The following COL23A1 variants were observed in gnomAD, a reference collection of about 807,000 sequenced individuals.
COL23A1 encodes collagen alpha-1(XXIII) chain.
A neutral mutation model predicts 99.3 loss-of-function variants in COL23A1; 97 were observed. The ratio of observed to expected loss-of-function variants is 0.98; its 90% confidence interval spans 0.83 to 1.16. COL23A1 has a LOEUF of 1.16. COL23A1 is among the 50% of genes most tolerant of loss of function. The pLI, the probability that COL23A1 is intolerant of heterozygous loss-of-function variation, is 0.00. For missense variants in COL23A1, 762 were observed against 757.4 expected, an observed-to-expected ratio of 1.01 and a Z score of -0.07; for synonymous variants, 320 against 308.2, an observed-to-expected ratio of 1.04 and a Z score of -0.40.
At chr5:178,554,739 T>G (rs958898507) in intron 2 of COL23A1, among the ~76,000 whole-genome samples, 1 of 152,162 alleles carries the variant, frequency 6.6e-6, no homozygotes, top group African/African-American at 2.4e-5. Context: ...ACCAATGACC[T>G]GGCCCATCAA....
chr5:178,502,898 TGCAC>T (rs747656779), intron 2 of COL23A1, among the ~76,000 whole-genome samples: 1 of 152,146 alleles, frequency 6.6e-6, no homozygotes, highest in Non-Finnish European at 1.5e-5. Flanking sequence ...CAGCACACGC[TGCAC>T]GCAGTGTGAC....
intron 2 of COL23A1, among the ~76,000 whole-genome samples, chr5:178,427,779 A>C (rs1443592995): frequency 6.6e-6 from 1 of 152,154 alleles, no homozygotes; most frequent in Non-Finnish European, 1.5e-5. Context: ...TGGTGAAAAG[A>C]TCACTCGTTG....
In COL23A1 at chr5:178,497,654, C is replaced by T. The variant is rs567002745; in HGVS notation, c.361+63028G>A. On this transcript the variant is annotated intron_variant, in intron 2 of 28. Coordinates refer to ENST00000390654, the MANE Select transcript of COL23A1 (RefSeq NM_173465.4). ...ACAAAGATAAGGAAACAAGAAGAGACTACGAGGACTGAGTAAGAAGTTTTG... is the reference window on the plus strand; with the variant it reads ...ACAAAGATAAGGAAACAAGAAGAGATTACGAGGACTGAGTAAGAAGTTTTG... Among the ~76,000 whole-genome samples the T allele has an allele frequency of 4.6e-5, 7 of 152,220 alleles. 1 individual carries two copies. In the South Asian group the frequency reaches 1.5e-3, roughly 32 times the overall value.
At chr5:178,242,457 G>T (rs1420845624) in intron 25 of COL23A1, 63 bp from the exon 26 acceptor site, 2 of 1,533,334 alleles carry the variant, frequency 1.3e-6, no homozygotes, top group East Asian at 2.3e-5. Context: ...TCTGTTACCG[G>T]CTCATCTCTG....
chr5:178,288,420 A>C, intron 4 of COL23A1, 70 bp from the exon 5 acceptor site: 2 of 1,356,964 alleles, frequency 1.5e-6, no homozygotes, highest in Non-Finnish European at 2.1e-6. Context: ...TTAGAGCTCA[A>C]TCAGGGCCCA....
rs746095740 is a variant in COL23A1 at position 178,306,912 on chromosome 5, A to G, written c.369T>C (p.Pro123=). 7.1e-6 allele frequency: 11 copies of G among 1,538,914 alleles called. No individual in the cohort carries two copies. The highest frequency in any genetic ancestry group is 1.4e-5 in the African/African-American group (1 of 70,832). The change falls in exon 3 of 29, where the codon CCT becomes CCC. Residue 123 remains proline, a synonymous_variant. Coordinates refer to ENST00000390654, the MANE Select transcript of COL23A1 (RefSeq NM_173465.4). This position sits in a 1 kb window ranked among gnomAD's most constrained non-coding sequence, Gnocchi z 4.1. ...TTCTCCCAGGCTTGCCGCGCCGTCC[A>G]GGGGGCCCTAGACAGGAAAACAAGA... ...PSECVCPPGP[P]GRRGKPGRRG...
intron 2 of COL23A1, among the ~76,000 whole-genome samples, chr5:178,485,980 T>C (rs559202450): frequency 2.6e-4 from 40 of 152,202 alleles, no homozygotes; most frequent in Non-Finnish European, 2.9e-4. Context: ...AAATACAAAT[T>C]GCATATTCCT....
rs1050916899 is a variant in COL23A1 at position 178,340,408 on chromosome 5, C to G, written c.362-33489G>C. On this transcript the variant is annotated intron_variant, in intron 2 of 28. Coordinates refer to ENST00000390654, the MANE Select transcript of COL23A1 (RefSeq NM_173465.4). The surrounding 1 kb of genome is among the most constrained non-coding windows in gnomAD (Gnocchi z 4.7). The stretch of plus-strand genomic sequence containing the variant: ...TCTCCTTGGCAATTAACGTTCACTT[C>G]TGCTTTTGCCTTAGATACTGAAGAG... Among the ~76,000 whole-genome samples the G allele has an allele frequency of 6.6e-6, 1 of 152,226 alleles. No homozygotes were observed. Among genetic ancestry groups the G allele is most frequent in the African/African-American group, 2.4e-5 (1 of 41,462 alleles).
chr5:178,490,392 T>C (rs1010681184), intron 2 of COL23A1, among the ~76,000 whole-genome samples: 64 of 151,980 alleles, frequency 4.2e-4, no homozygotes, highest in African/African-American at 1.4e-3. Flanking sequence ...GTATCTAGAA[T>C]GGACAGATTT....
chr5:178,588,460 G>A (rs1764108951), intron 1 of COL23A1, among the ~76,000 whole-genome samples: 1 of 152,192 alleles, frequency 6.6e-6, no homozygotes. Context: ...AGCGCTAACA[G>A]GTAGAAACTT....
At chr5:178,516,310 C>A (rs570224558) in intron 2 of COL23A1, among the ~76,000 whole-genome samples, 2 of 152,228 alleles carry the variant, frequency 1.3e-5, no homozygotes, top group Non-Finnish European at 2.9e-5. Flanking sequence ...CTGGCCCTCG[C>A]CCACAGCCCC....
In COL23A1 at chr5:178,281,569, G is replaced by A. The variant is rs931506866; in HGVS notation, c.441+6755C>T. 5.3e-5 allele frequency among the ~76,000 whole-genome samples: 8 copies of A among 152,146 alleles called. No homozygotes were observed. Among genetic ancestry groups the A allele is most frequent in the Non-Finnish European group, 7.4e-5 (5 of 68,026 alleles). ...GGAGGTGCCGTGCGTGTGGTTTTGG[G>A]TGTGCTCAGAGCTGACCTGTGACGC... On this transcript the variant is annotated intron_variant, in intron 5 of 28. Transcript: ENST00000390654. This position sits in a 1 kb window ranked among gnomAD's most constrained non-coding sequence, Gnocchi z 4.0.
chr5:178,409,029 G>A, intron 2 of COL23A1, among the ~76,000 whole-genome samples: 1 of 141,346 alleles, frequency 7.1e-6, no homozygotes, highest in Non-Finnish European at 1.5e-5. Flanking sequence ...CACATCATGT[G>A]GCTGAACAAT....
intron 2 of COL23A1, among the ~76,000 whole-genome samples, chr5:178,422,668 C>T (rs1377394597): frequency 6.6e-6 from 1 of 152,162 alleles, no homozygotes; most frequent in Admixed American, 6.5e-5. Context: ...ATCAGCCTCC[C>T]CATGTTTCTG....
At chr5:178,484,398 C>A (rs1757498692) in intron 2 of COL23A1, among the ~76,000 whole-genome samples, 1 of 152,160 alleles carries the variant, frequency 6.6e-6, no homozygotes, top group African/African-American at 2.4e-5. Flanking sequence ...TCTCAGAAGC[C>A]CTTCTTGATT....
chr5:178,249,265 C>G (rs995828216), intron 18 of COL23A1, 59 bp from the exon 19 acceptor site: 1 of 1,516,880 alleles, frequency 6.6e-7, no homozygotes. Flanking sequence ...CCTTCTCCCC[C>G]CAGCAGGTCC....
chr5:178,474,986 GC>G, intron 2 of COL23A1, among the ~76,000 whole-genome samples: 1 of 152,188 alleles, frequency 6.6e-6, no homozygotes, highest in Non-Finnish European at 1.5e-5. Flanking sequence ...TCCTGTGGCT[GC>G]CAGCAATCCC....
chr5:178,512,028 A>G (rs150362516), intron 2 of COL23A1, among the ~76,000 whole-genome samples: 1 of 152,308 alleles, frequency 6.6e-6, no homozygotes, highest in African/African-American at 2.4e-5. Context: ...AGCTTCAGAA[A>G]CCTGAGTGTC....
chr5:178,436,636 C>G (rs1223289646), intron 2 of COL23A1, among the ~76,000 whole-genome samples: 1 of 152,208 alleles, frequency 6.6e-6, no homozygotes, highest in Non-Finnish European at 1.5e-5. Flanking sequence ...CCTGTGGCAT[C>G]CCTGTGCAGC....
Sources: allele counts gnomAD v4.1 joint callset (sites outside exome capture counted in the v4.1 genomes callset), GRCh38; gene constraint gnomAD v4.1.1; non-coding constraint Gnocchi (gnomAD v3.1); transcripts MANE v1.5; gene names NCBI Gene and HGNC (gene_info 2026-07-23, HGNC 2026-07-21).